The following KIF26B variants were observed in gnomAD, a reference collection of about 807,000 sequenced individuals.
KIF26B encodes kinesin family member 26B, also known as kinesin-like protein KIF26B.
A neutral mutation model predicts 151.2 loss-of-function variants in KIF26B; 63 were observed. That is an observed-to-expected ratio of 0.42 (90% confidence interval 0.34 to 0.51). The LOEUF (loss-of-function observed/expected upper bound fraction) is 0.51. Among genes scored for constraint, KIF26B ranks in the 20% least tolerant of loss-of-function variants. KIF26B has a pLI of 0.07. For synonymous variants in KIF26B, 1,357 were observed against 1,262.1 expected (o/e 1.08, Z -1.59); for missense variants, 2,813 against 2,913.6 (o/e 0.97, Z 0.79).
chr1:245,540,863 T>C lies in KIF26B; in HGVS notation c.1263T>C (p.Ser421=), dbSNP rs201211404. ...CACCGCTCTTTGCAACCAGCTTCAG[T>C]GGGATTCTGCAGACCTCCCCTCCCC... ...AEPPLFATSF[S]GILQTSPPPA... is the part of the protein sequence containing the mutation. Residue 421 remains serine, a synonymous_variant, in exon 5 of 15, where the codon AGT becomes AGC. Coordinates refer to ENST00000407071, the MANE Select transcript of KIF26B (RefSeq NM_018012.4). The surrounding 1 kb of genome is among the most constrained non-coding windows in gnomAD (Gnocchi z 4.6). 41 of 1,613,894 alleles carry C rather than the reference T, an allele frequency of 2.5e-5. No individual in the cohort carries two copies. The South Asian group carries it at 4.3e-4, about 17-fold the overall frequency.
At position 245,548,830 on chromosome 1, in the gene KIF26B, G is replaced by A. The variant is rs555937502; in HGVS notation, c.1350+7880G>A. Among the ~76,000 whole-genome samples the A allele has an allele frequency of 3.1e-3, 468 of 150,752 alleles. 4 individuals carry two copies. The highest frequency in any genetic ancestry group is 5.1e-3 in the Non-Finnish European group (345 of 67,916). On this transcript the variant is annotated intron_variant, in intron 5 of 14. Transcript: ENST00000407071. ...ACAATCTCAGCTCACTGCAACCTCC[G>A]CCTCCCGGTTTCAAGCAATTCTCCT... is the stretch of plus-strand genomic sequence containing the variant.
At position 245,166,338 on chromosome 1, in the gene KIF26B, G is replaced by T. The variant is rs182279375; in HGVS notation, c.465+9655G>T. ...CGAAAATGGAGAAACAGCAGTCAGAGAAAATGAAAGCATTCAGTGCGTCTT... is the reference window on the plus strand; with the variant it reads ...CGAAAATGGAGAAACAGCAGTCAGATAAAATGAAAGCATTCAGTGCGTCTT... On this transcript the variant is annotated intron_variant, in intron 2 of 14. Coordinates refer to ENST00000407071, the MANE Select transcript of KIF26B (RefSeq NM_018012.4). This position sits in a 1 kb window ranked among gnomAD's most constrained non-coding sequence, Gnocchi z 4.5. Among the ~76,000 whole-genome samples, 31 of 152,204 alleles carry T rather than the reference G, an allele frequency of 2.0e-4. No homozygotes were observed. Among genetic ancestry groups the T allele is most frequent in the Admixed American group, 7.2e-4 (11 of 15,292 alleles).
At chr1:245,222,951 T>G (rs546999916) in intron 2 of KIF26B, among the ~76,000 whole-genome samples, 45 of 152,382 alleles carry the variant, frequency 3.0e-4, no homozygotes, top group East Asian at 3.9e-4. Context: ...ATCTTGTTTA[T>G]CCCTTTCACA....
chr1:245,476,180 T>C (rs116284385), intron 4 of KIF26B, among the ~76,000 whole-genome samples: 2,766 of 151,952 alleles, frequency 0.018, 95 homozygotes, highest in Non-Finnish European at 0.029. Flanking sequence ...GTAAACTGCG[T>C]TTATATGAAA....
At chr1:245,694,920 C>A (rs1179248039) in intron 12 of KIF26B, among the ~76,000 whole-genome samples, 1 of 152,198 alleles carries the variant, frequency 6.6e-6, no homozygotes, top group African/African-American at 2.4e-5. Flanking sequence ...GGTTGAAAAG[C>A]AGAAGGGAGC....
intron 10 of KIF26B, among the ~76,000 whole-genome samples, chr1:245,650,055 C>T (rs774321596): frequency 7.2e-5 from 11 of 152,160 alleles, no homozygotes; most frequent in South Asian, 2.1e-4. Context: ...CCAGTCCAGG[C>T]GCCATAAATC....
At chr1:245,384,118 A>G (rs1363020098) in intron 3 of KIF26B, among the ~76,000 whole-genome samples, 5 of 152,188 alleles carry the variant, frequency 3.3e-5, no homozygotes, top group African/African-American at 1.2e-4. Flanking sequence ...AGCCTGGAGC[A>G]GATGCCTTTG....
Position 245,290,649 on chromosome 1 carries a change from C to A in KIF26B, c.466-76185C>A, listed in dbSNP as rs1020716321. 2.6e-5 allele frequency among the ~76,000 whole-genome samples: 4 copies of A among 152,310 alleles called. No individual in the cohort carries two copies. The East Asian group carries it at 5.8e-4, about 22-fold the overall frequency. On this transcript the variant is annotated intron_variant, in intron 2 of 14. Transcript: ENST00000407071. ...GATTTGGCCGGCTTCTTTACTGCAA[C>A]CTGTTTTATCGGCAGGGTGTTTATG...
intron 4 of KIF26B, among the ~76,000 whole-genome samples, chr1:245,441,954 A>G (rs988333969): frequency 3.9e-5 from 6 of 152,238 alleles, no homozygotes; most frequent in African/African-American, 1.2e-4. Flanking sequence ...GCCCTACTGC[A>G]GAGGCATCTG....
Position 245,203,337 on chromosome 1 carries a change from G to A in KIF26B, c.465+46654G>A, listed in dbSNP as rs898084697. Among the ~76,000 whole-genome samples the A allele has an allele frequency of 3.9e-5, 6 of 152,018 alleles. No individual in the cohort carries two copies. In the South Asian group the frequency reaches 6.2e-4, roughly 16 times the overall value. On this transcript the variant is annotated intron_variant, in intron 2 of 14. Transcript: ENST00000407071. Reference sequence around the variant, plus strand: ...GGGCACAACGATCGTTGCTTTTTGCGTGGATTGCCACAAGAATGTTTTTGG... The same window carrying A: ...GGGCACAACGATCGTTGCTTTTTGCATGGATTGCCACAAGAATGTTTTTGG...
intron 5 of KIF26B, among the ~76,000 whole-genome samples, chr1:245,580,136 A>G (rs928359088): frequency 2.0e-5 from 3 of 152,246 alleles, no homozygotes; most frequent in Non-Finnish European, 4.4e-5. Flanking sequence ...CAGCTGGGAA[A>G]GAACTCTGCC....
intron 2 of KIF26B, among the ~76,000 whole-genome samples, chr1:245,333,682 A>C (rs1396617946): frequency 1.3e-5 from 2 of 151,756 alleles, no homozygotes; most frequent in South Asian, 2.1e-4. Context: ...CTAACCTTGA[A>C]CCTCTCCAGA....
intron 2 of KIF26B, among the ~76,000 whole-genome samples, chr1:245,259,934 CAAAAAAAA>C (rs35913005): frequency 1.4e-5 from 1 of 72,020 alleles, no homozygotes; most frequent in African/African-American, 5.5e-5. Flanking sequence ...GGTCCTGTCT[CAAAAAAAA>C]AAAAAAAAAA....
intron 9 of KIF26B, among the ~76,000 whole-genome samples, chr1:245,612,248 C>G (rs1352803766): frequency 6.6e-6 from 1 of 152,114 alleles, no homozygotes; most frequent in East Asian, 1.9e-4. Flanking sequence ...TAGCTTGGGA[C>G]TACAGGCTCA....
rs562734707 is a variant in KIF26B at position 245,367,464 on chromosome 1, T to C, written c.999+97T>C. 4.3e-5 allele frequency: 49 copies of C among 1,146,066 alleles called. 1 individual carries two copies. The South Asian group carries it at 7.1e-4, about 17-fold the overall frequency. 71.0% of individuals were successfully genotyped at this position (1,146,066 alleles called of 1,614,324 possible). On this transcript the variant is annotated intron_variant, in intron 3 of 14. Transcript: ENST00000407071. This position sits in a 1 kb window ranked among gnomAD's most constrained non-coding sequence, Gnocchi z 4.2. Reference sequence around the variant, plus strand: ...TTCCGCTGCCTCCTCCCGGGAACCCTGTAACTCAGAGCCCAGTGTTTCCAT... The same window carrying C: ...TTCCGCTGCCTCCTCCCGGGAACCCCGTAACTCAGAGCCCAGTGTTTCCAT...
Position 245,573,254 on chromosome 1 carries a change from C to T in KIF26B, c.1351-29323C>T, listed in dbSNP as rs551000302. 6.6e-5 allele frequency among the ~76,000 whole-genome samples: 10 copies of T among 152,214 alleles called. No homozygotes were observed. The South Asian group carries it at 1.5e-3, about 22-fold the overall frequency. On this transcript the variant is annotated intron_variant, in intron 5 of 14. Transcript: ENST00000407071. ...TTAAAATTAATGAGGCCGGGAGCAGCGGCTCACGCCTGTAATCCCAGCACT... is the reference window on the plus strand; with the variant it reads ...TTAAAATTAATGAGGCCGGGAGCAGTGGCTCACGCCTGTAATCCCAGCACT...
chr1:245,412,177 T>G (rs1327101234), intron 3 of KIF26B, among the ~76,000 whole-genome samples: 1 of 152,222 alleles, frequency 6.6e-6, no homozygotes, highest in Non-Finnish European at 1.5e-5. Context: ...TGTGCTAACC[T>G]GGATCAGAAA....
intron 2 of KIF26B, among the ~76,000 whole-genome samples, chr1:245,174,305 CACT>C (rs1188754230): frequency 6.6e-6 from 1 of 152,080 alleles, no homozygotes; most frequent in Non-Finnish European, 1.5e-5. Flanking sequence ...GGGTCATTGC[CACT>C]ATTTTCCCAC....
At chr1:245,701,868 C>T (rs148688992) in intron 14 of KIF26B, among the ~76,000 whole-genome samples, 2 of 152,256 alleles carry the variant, frequency 1.3e-5, no homozygotes, top group South Asian at 2.1e-4. Flanking sequence ...GCCAGGCAGC[C>T]CATCCCTCTG....
Sources: gnomAD v4.1 joint callset for allele counts (sites outside exome capture counted in the v4.1 genomes callset) on GRCh38, gnomAD v4.1.1 for gene constraint, Gnocchi (gnomAD v3.1) non-coding constraint, MANE v1.5 for transcripts, NCBI Gene and HGNC (gene_info 2026-07-23, HGNC 2026-07-21) for gene names.